C10orf143: variants seen among roughly 807,000 people sequenced by gnomAD.
C10orf143 encodes the protein uncharacterized protein C10orf143.
In C10orf143 at chr10:130,108,026, A is replaced by G. The variant is rs761773607; in HGVS notation, c.69+2678T>C. ...AATGCCTTCAGAAATGGAATCCAGTAGAAATGACACCAAAGATGATCTTGG... is the reference window on the plus strand; with the variant it reads ...AATGCCTTCAGAAATGGAATCCAGTGGAAATGACACCAAAGATGATCTTGG... On this transcript the variant is annotated intron_variant, in intron 1 of 3. Transcript: ENST00000637128. 4 of 1,495,858 alleles carry G rather than the reference A, an allele frequency of 2.7e-6. No homozygotes were observed. The Admixed American group carries it at 6.7e-5, about 25-fold the overall frequency. 92.7% of individuals were successfully genotyped at this position (1,495,858 alleles called of 1,614,324 possible).
At chr10:130,060,606 A>G (rs527619596), downstream of C10orf143, among the ~76,000 whole-genome samples, 31 of 146,130 alleles carry the variant, frequency 2.1e-4, no homozygotes, top group South Asian at 8.8e-4. Context: ...GATGGATCAC[A>G]AGGTCAGGAG....
intron 1 of C10orf143, among the ~76,000 whole-genome samples, chr10:130,087,249 A>G (rs1861305338): frequency 6.6e-6 from 1 of 152,244 alleles, no homozygotes; most frequent in Admixed American, 6.5e-5. Flanking sequence ...AGGCATTTAC[A>G]TCTGGGGCTG....
chr10:130,092,062 G>A lies in C10orf143; in HGVS notation c.70-12161C>T, dbSNP rs1331328773. 1.4e-4 allele frequency among the ~76,000 whole-genome samples: 21 copies of A among 152,058 alleles called. 2 individuals are homozygous for A. The highest frequency in any genetic ancestry group is 1.4e-3 in the Admixed American group (21 of 15,266). The stretch of plus-strand genomic sequence containing the variant: ...AACTTTCAAATTCAAGAAATACAGA[G>A]AACACCACAAAGATACTCCTTGAGA... On this transcript the variant is annotated intron_variant, in intron 1 of 3. Transcript: ENST00000637128.
At chr10:130,080,584 C>A (rs2134769598) in intron 1 of C10orf143, among the ~76,000 whole-genome samples, 1 of 152,268 alleles carries the variant, frequency 6.6e-6, no homozygotes, top group East Asian at 1.9e-4. Flanking sequence ...GTCATGGAGG[C>A]CACCCTGGCC....
At chr10:130,053,177 C>CAG (rs1401615989) in intron 3 of C10orf143, among the ~76,000 whole-genome samples, 1 of 152,232 alleles carries the variant, frequency 6.6e-6, no homozygotes, top group East Asian at 1.9e-4. Flanking sequence ...TCTCCTACCT[C>CAG]AGCCTCCTGA....
intron 3 of C10orf143, among the ~76,000 whole-genome samples, chr10:130,072,527 T>A (rs760560808): frequency 6.6e-6 from 1 of 152,250 alleles, no homozygotes; most frequent in Non-Finnish European, 1.5e-5. Context: ...GTGTCTAATC[T>A]GATGACTTTT....
intron 3 of C10orf143, among the ~76,000 whole-genome samples, chr10:130,047,365 C>T (rs953807945): frequency 4.6e-5 from 7 of 152,198 alleles, no homozygotes; most frequent in South Asian, 2.1e-4. Flanking sequence ...TCTGCTCCCT[C>T]GCTCTCTCTC....
At chr10:130,108,630 T>C (rs1331461462) in intron 1 of C10orf143, 3 of 497,588 alleles carry the variant, frequency 6.0e-6, no homozygotes, top group East Asian at 7.6e-5. Context: ...ATTATTTCCA[T>C]TGTATTTTAT....
chr10:130,037,182 C>T (rs1464543351), intron 3 of C10orf143, among the ~76,000 whole-genome samples: 1 of 152,140 alleles, frequency 6.6e-6, no homozygotes, highest in Admixed American at 6.5e-5. Context: ...TGCCCTCTGC[C>T]CTGTGGGAGG....
At chr10:130,106,343 C>CA (rs758823829) in intron 1 of C10orf143, 1 of 1,600,264 alleles carries the variant, frequency 6.2e-7, no homozygotes, top group South Asian at 1.1e-5. Flanking sequence ...TAGCCTTGTT[C>CA]AAAAAGAGTA....
chr10:130,091,019 C>T (rs1861372993), intron 1 of C10orf143, among the ~76,000 whole-genome samples: 3 of 152,220 alleles, frequency 2.0e-5, no homozygotes, highest in Non-Finnish European at 4.4e-5. Context: ...TTCCTGCCTA[C>T]CAGCTCTGAA....
intron 1 of C10orf143, chr10:130,107,749 T>G (rs750581866): frequency 1.6e-6 from 2 of 1,238,134 alleles, no homozygotes; most frequent in Non-Finnish European, 2.4e-6. Flanking sequence ...ACCATCAGAT[T>G]ACCAAGGAAA....
chr10:130,079,714 G>C (rs1861174590), intron 2 of C10orf143, 23 bp downstream of exon 2: 2 of 398,740 alleles, frequency 5.0e-6, no homozygotes, highest in Middle Eastern at 6.3e-4. Flanking sequence ...CTCACAAGTA[G>C]TTTGGTGGGA....
chr10:130,047,574 C>T (rs1427677039), intron 3 of C10orf143, among the ~76,000 whole-genome samples: 4 of 152,200 alleles, frequency 2.6e-5, no homozygotes, highest in Admixed American at 6.5e-5. Context: ...CTAAGGCCCC[C>T]CGCACTCCAG....
downstream of C10orf143, among the ~76,000 whole-genome samples, chr10:130,059,850 A>C (rs926762700): frequency 2.6e-5 from 4 of 152,242 alleles, no homozygotes; most frequent in African/African-American, 9.6e-5. Flanking sequence ...AAACAAAACA[A>C]AATCATCATG....
rs142250436 is a variant in C10orf143 at position 130,099,013 on chromosome 10, A to G, written c.69+11691T>C. Among the ~76,000 whole-genome samples the G allele has an allele frequency of 1.4e-3, 211 of 150,778 alleles. 1 individual carries two copies. The highest frequency in any genetic ancestry group is 6.8e-3 in the Middle Eastern group (2 of 292). On this transcript the variant is annotated intron_variant, in intron 1 of 3. Transcript: ENST00000637128. The stretch of plus-strand genomic sequence containing the variant: ...TGAGGCAGGAGAATCACTTGAACCC[A>G]GGGGGCGGAGGTTGCAGTGAGCCAA...
chr10:130,071,703 C>G (rs1269364609), intron 3 of C10orf143, among the ~76,000 whole-genome samples: 1 of 152,172 alleles, frequency 6.6e-6, no homozygotes, highest in African/African-American at 2.4e-5. Flanking sequence ...TCTCGGCTCA[C>G]CGCAACCTCT....
At chr10:130,107,788 C>T (rs746615641) in intron 1 of C10orf143, 27 of 1,242,800 alleles carry the variant, frequency 2.2e-5, no homozygotes, top group South Asian at 1.2e-4. Context: ...AAAGGTTAAC[C>T]GATCCTCACA....
chr10:130,087,405 T>A (rs1861307631), intron 1 of C10orf143, among the ~76,000 whole-genome samples: 1 of 152,168 alleles, frequency 6.6e-6, no homozygotes, highest in South Asian at 2.1e-4. Flanking sequence ...CTAGAATAGA[T>A]CAAGTGACCA....
Sources: gnomAD v4.1 joint callset for allele counts (sites outside exome capture counted in the v4.1 genomes callset) on GRCh38, gnomAD v4.1.1 for gene constraint, MANE v1.5 for transcripts, NCBI Gene and HGNC (gene_info 2026-07-23, HGNC 2026-07-21) for gene names.